Variants in NALF1 observed in about 807,000 individuals in gnomAD.
NALF1 encodes NALCN channel auxiliary factor 1.
Under a neutral mutation model 48.4 loss-of-function variants are expected in NALF1, and 3 were observed. The ratio of observed to expected loss-of-function variants is 0.06; its 90% confidence interval spans 0.03 to 0.16. The LOEUF is 0.16. Ranked by LOEUF, NALF1 falls within the 10% of genes least tolerant of loss-of-function variation. The probability of loss-of-function intolerance (pLI) is 1.00; values close to 1 mark genes in which losing one functional copy is unlikely to be tolerated. For synonymous variants in NALF1, 262 were observed against 245.7 expected, an observed-to-expected ratio of 1.07 and a Z score of -0.62; for missense variants, 526 against 571.5, an observed-to-expected ratio of 0.92 and a Z score of 0.81.
rs577738160 is a variant in NALF1 at position 107,175,808 on chromosome 13, G to A, written c.1088-5022C>T. 8.5e-5 allele frequency among the ~76,000 whole-genome samples: 13 copies of A among 152,158 alleles called. No individual in the cohort carries two copies. The South Asian group carries it at 2.3e-3, about 27-fold the overall frequency. ...GATGGTTTCACCCTGCATTCCTCCC[G>A]GACACTGCCCTTGGTTGAAGTTAGC... On this transcript the variant is annotated intron_variant, in intron 2 of 2. Coordinates refer to ENST00000375915, the MANE Select transcript of NALF1 (RefSeq NM_001080396.3).
At chr13:107,219,144 C>T (rs1277625520) in intron 1 of NALF1, among the ~76,000 whole-genome samples, 1 of 152,184 alleles carries the variant, frequency 6.6e-6, no homozygotes, top group African/African-American at 2.4e-5. Context: ...AAGACTACTT[C>T]TGAGTGTTGG....
intron 1 of NALF1, among the ~76,000 whole-genome samples, chr13:107,770,922 T>C (rs947149305): frequency 2.6e-5 from 4 of 152,208 alleles, no homozygotes; most frequent in Non-Finnish European, 5.9e-5. Flanking sequence ...TTGGCCTAAA[T>C]AGTCTTTGGC....
chr13:107,828,600 TATCTATACACACACACACACAC>T (rs1879598874), intron 1 of NALF1, among the ~76,000 whole-genome samples: 16 of 103,582 alleles, frequency 1.5e-4, no homozygotes, highest in Non-Finnish European at 2.0e-4. Context: ...TCTATATCTA[TATCTATACACACACACACACAC>T]ACACACACAC....
rs181779779 is a variant in NALF1, at chr13:107,546,318, C to T, written c.915+319364G>A. ...GTCCTCAAGGCAGGAGGAATCAATA[C>T]GAAGCACAAACACACCCTGCTAAGG... On this transcript the variant is annotated intron_variant, in intron 1 of 2. Transcript: ENST00000375915. Among the ~76,000 whole-genome samples, 38 of 152,282 alleles carry T rather than the reference C, an allele frequency of 2.5e-4. 1 individual carries two copies. The highest frequency in any genetic ancestry group is 8.7e-4 in the African/African-American group (36 of 41,566).
intron 1 of NALF1, among the ~76,000 whole-genome samples, chr13:107,575,673 AT>A (rs1878119136): frequency 6.6e-6 from 1 of 151,792 alleles, no homozygotes; most frequent in African/African-American, 2.4e-5. Flanking sequence ...CCATTTTTCC[AT>A]TTTGTTAAAG....
At chr13:107,779,555 T>C (rs1426572883) in intron 1 of NALF1, among the ~76,000 whole-genome samples, 1 of 152,192 alleles carries the variant, frequency 6.6e-6, no homozygotes, top group Non-Finnish European at 1.5e-5. Flanking sequence ...CCACTTGAAA[T>C]GCTCTTCACT....
At chr13:107,719,500 T>C (rs1372161482) in intron 1 of NALF1, among the ~76,000 whole-genome samples, 1 of 152,066 alleles carries the variant, frequency 6.6e-6, no homozygotes, top group Non-Finnish European at 1.5e-5. Context: ...GTAAAGAAAT[T>C]CCCAAAATTT....
chr13:107,833,022 C>T (rs1879786274), intron 1 of NALF1, among the ~76,000 whole-genome samples: 1 of 152,186 alleles, frequency 6.6e-6, no homozygotes, highest in Admixed American at 6.5e-5. Context: ...TTCCATTCTT[C>T]CTGTGGCCCC....
intron 1 of NALF1, among the ~76,000 whole-genome samples, chr13:107,464,533 T>C (rs972624480): frequency 6.6e-6 from 1 of 152,144 alleles, no homozygotes; most frequent in Non-Finnish European, 1.5e-5. Context: ...TTTTAATTTT[T>C]TTTTGAGACG....
chr13:107,556,458 C>T (rs11069692), intron 1 of NALF1, among the ~76,000 whole-genome samples: 35,190 of 151,668 alleles, frequency 0.23, 4,372 homozygotes, highest in East Asian at 0.47. Flanking sequence ...CAGAGCCACA[C>T]TGAATTCATT....
intron 1 of NALF1, among the ~76,000 whole-genome samples, chr13:107,702,492 C>G (rs1881846410): frequency 6.8e-6 from 1 of 147,050 alleles, no homozygotes. Context: ...AAATTTTCTA[C>G]TAGTTTATTG....
chr13:107,361,860 A>G (rs1883066617), intron 1 of NALF1, among the ~76,000 whole-genome samples: 2 of 152,188 alleles, frequency 1.3e-5, no homozygotes, highest in African/African-American at 4.8e-5. Flanking sequence ...TTATCTCCTT[A>G]AAGTTAGGCA....
At chr13:107,443,169 A>AATCTATCTATCTATCT in intron 1 of NALF1, among the ~76,000 whole-genome samples, 1 of 128,428 alleles carries the variant, frequency 7.8e-6, no homozygotes, top group South Asian at 2.6e-4. Flanking sequence ...TTTATCTAAC[A>AATCTATCTATCTATCT]ATCTATCTAT....
intron 1 of NALF1, among the ~76,000 whole-genome samples, chr13:107,668,740 T>C (rs1382000899): frequency 1.3e-5 from 2 of 152,082 alleles, no homozygotes; most frequent in Non-Finnish European, 2.9e-5. Flanking sequence ...CTCTGCCCTA[T>C]GAGACTCCAT....
At chr13:107,774,459 G>A (rs749784242) in intron 1 of NALF1, among the ~76,000 whole-genome samples, 1 of 152,182 alleles carries the variant, frequency 6.6e-6, no homozygotes, top group Non-Finnish European at 1.5e-5. Flanking sequence ...TTTACAGTCA[G>A]ATAGTATATG....
At chr13:107,218,170 G>C (rs1237505841) in intron 1 of NALF1, among the ~76,000 whole-genome samples, 1 of 152,036 alleles carries the variant, frequency 6.6e-6, no homozygotes, top group African/African-American at 2.4e-5. Flanking sequence ...CCTCCCTCAC[G>C]AATCCCTCAG....
intron 1 of NALF1, among the ~76,000 whole-genome samples, chr13:107,241,803 T>C (rs1385266659): frequency 6.6e-6 from 1 of 152,190 alleles, no homozygotes; most frequent in Non-Finnish European, 1.5e-5. Context: ...CCCAGGCTTA[T>C]TGAAATTGGT....
chr13:107,796,589 C>G (rs1878431035), intron 1 of NALF1, among the ~76,000 whole-genome samples: 1 of 152,088 alleles, frequency 6.6e-6, no homozygotes, highest in Non-Finnish European at 1.5e-5. Flanking sequence ...TCTGAAAGTA[C>G]TACTCTCGCT....
At chr13:107,402,184 T>C (rs2138992357) in intron 1 of NALF1, among the ~76,000 whole-genome samples, 1 of 152,294 alleles carries the variant, frequency 6.6e-6, no homozygotes, top group Middle Eastern at 3.4e-3. Flanking sequence ...GCCAGCAGAC[T>C]CTCTCCTTTG....
Sources: allele counts gnomAD v4.1 joint callset (sites outside exome capture counted in the v4.1 genomes callset), GRCh38; gene constraint gnomAD v4.1.1; transcripts MANE v1.5; gene names NCBI Gene and HGNC (gene_info 2026-07-23, HGNC 2026-07-21).